The following CA10 variants were observed in gnomAD, a reference collection of about 807,000 sequenced individuals.
CA10 encodes the protein carbonic anhydrase 10 (inactive).
Under a neutral mutation model 44.2 loss-of-function variants are expected in CA10, and 14 were observed. The ratio of observed to expected loss-of-function variants is 0.32; its 90% CI spans 0.21 to 0.50. The LOEUF (loss-of-function observed/expected upper bound fraction) is 0.50. Ranked by LOEUF, CA10 falls within the 20% of genes least tolerant of loss-of-function variation. The probability of loss-of-function intolerance (pLI) is 0.99; values close to 1 mark genes in which losing one functional copy is unlikely to be tolerated. For missense variants in CA10, 350 were observed against 409.7 expected, an observed-to-expected ratio of 0.85 and a Z score of 1.26; for synonymous variants, 159 against 141.6, an observed-to-expected ratio of 1.12 and a Z score of -0.87.
intron 4 of CA10, among the ~76,000 whole-genome samples, chr17:51,654,898 AC>A (rs762206746): frequency 5.3e-5 from 8 of 151,216 alleles, no homozygotes; most frequent in African/African-American, 1.7e-4. Context: ...GAAGTAAAAA[AC>A]GTGATGCCCC....
At chr17:52,115,550 A>G (rs1988875143) in intron 1 of CA10, among the ~76,000 whole-genome samples, 1 of 152,152 alleles carries the variant, frequency 6.6e-6, no homozygotes, top group African/African-American at 2.4e-5. Context: ...CCTTCTTTTT[A>G]TTAGGACTGT....
chr17:51,671,560 A>T (rs1914424585), intron 4 of CA10, among the ~76,000 whole-genome samples: 1 of 152,078 alleles, frequency 6.6e-6, no homozygotes, highest in African/African-American at 2.4e-5. Flanking sequence ...GCCCGCCACC[A>T]CGCCTGGCTA....
intron 1 of CA10, among the ~76,000 whole-genome samples, chr17:52,127,687 G>A (rs116941575): frequency 0.019 from 2,825 of 152,232 alleles, 37 homozygotes; most frequent in Non-Finnish European, 0.03. Context: ...AGAGGTGAAA[G>A]GATCTCAGCT....
At chr17:51,767,959 G>A (rs554609026) in intron 3 of CA10, among the ~76,000 whole-genome samples, 10 of 152,104 alleles carry the variant, frequency 6.6e-5, no homozygotes, top group South Asian at 2.1e-4. Flanking sequence ...GTTGGGGAGC[G>A]CTGAACTAAA....
chr17:51,964,374 A>G (rs1984002358), intron 2 of CA10, among the ~76,000 whole-genome samples: 1 of 151,968 alleles, frequency 6.6e-6, no homozygotes, highest in African/African-American at 2.4e-5. Flanking sequence ...AAACTAAAAG[A>G]AATTCTGAAC....
intron 2 of CA10, among the ~76,000 whole-genome samples, chr17:52,003,354 C>T (rs944982612): frequency 6.6e-6 from 1 of 151,974 alleles, no homozygotes; most frequent in Middle Eastern, 3.4e-3. Flanking sequence ...TCCCATAATA[C>T]CTTATCATCT....
chr17:51,772,259 G>A (rs1338502455), intron 3 of CA10, among the ~76,000 whole-genome samples: 1 of 152,144 alleles, frequency 6.6e-6, no homozygotes, highest in Non-Finnish European at 1.5e-5. Flanking sequence ...GGTACTCATA[G>A]TTACTATTAA....
At chr17:52,148,373 T>C (rs1989633344) in intron 1 of CA10, among the ~76,000 whole-genome samples, 1 of 152,208 alleles carries the variant, frequency 6.6e-6, no homozygotes, top group South Asian at 2.1e-4. Context: ...ATTGTCCTAG[T>C]TCAAGCCTTT....
At chr17:51,932,091 T>C (rs203089) in intron 2 of CA10, among the ~76,000 whole-genome samples, 148,077 of 152,098 alleles carry the variant, frequency 0.97, 72,203 homozygotes, top group East Asian at 1. Context: ...CATCACGCAC[T>C]GGGTTAGGCT....
chr17:51,672,490 G>T (rs1401224533), intron 4 of CA10, among the ~76,000 whole-genome samples: 1 of 152,198 alleles, frequency 6.6e-6, no homozygotes, highest in East Asian at 1.9e-4. Context: ...CCCCTGTGGG[G>T]TTAGGTAATA....
In CA10 at chr17:51,888,200, G is replaced by A. The variant is rs189688023; in HGVS notation, c.279+42790C>T. ...ATTTTTAAAAAAAAGGAGAAGAAAG[G>A]AAAGAAGGAAGGGAGAGAGGAAGTA... On this transcript the variant is annotated intron_variant, in intron 3 of 8. Coordinates refer to ENST00000451037, the MANE Select transcript of CA10 (RefSeq NM_020178.5). 2.0e-5 allele frequency among the ~76,000 whole-genome samples: 3 copies of A among 151,864 alleles called. No homozygotes were observed. In the East Asian group the frequency reaches 5.8e-4, roughly 29 times the overall value.
intron 2 of CA10, among the ~76,000 whole-genome samples, chr17:52,017,080 G>T (rs558569811): frequency 1.3e-5 from 2 of 152,030 alleles, no homozygotes; most frequent in Non-Finnish European, 2.9e-5. Flanking sequence ...TGTACATTCC[G>T]CAGAACTGTG....
chr17:51,895,958 A>G (rs1408754950), intron 3 of CA10, among the ~76,000 whole-genome samples: 1 of 152,144 alleles, frequency 6.6e-6, no homozygotes, highest in African/African-American at 2.4e-5. Context: ...ATGAGACAAT[A>G]TAATGAATAT....
chr17:51,819,390 G>T (rs1907680238), intron 3 of CA10, among the ~76,000 whole-genome samples: 1 of 152,144 alleles, frequency 6.6e-6, no homozygotes, highest in Non-Finnish European at 1.5e-5. Flanking sequence ...GAGATCCATG[G>T]CACCACAAAC....
chr17:51,691,073 T>C lies in CA10; in HGVS notation c.466-37337A>G, dbSNP rs192705886. Among the ~76,000 whole-genome samples, 350 of 152,348 alleles carry C rather than the reference T, an allele frequency of 2.3e-3. 2 individuals are homozygous for C. The highest frequency in any genetic ancestry group is 8.0e-3 in the African/African-American group (333 of 41,588). On this transcript the variant is annotated intron_variant, in intron 4 of 8. Transcript: ENST00000451037. ...ATATCATTTCAATATACTGATTCCA[T>C]ATCCTTTGGGCATATATACAGTACA...
intron 1 of CA10, among the ~76,000 whole-genome samples, chr17:52,115,103 A>C (rs977039659): frequency 6.6e-6 from 1 of 152,198 alleles, no homozygotes; most frequent in Non-Finnish European, 1.5e-5. Flanking sequence ...GAGTGGAGCC[A>C]CCAGGAATTC....
In CA10 at chr17:51,717,729, A is replaced by G. The variant is rs1289130336; in HGVS notation, c.465+29904T>C. Among the ~76,000 whole-genome samples, 32 of 29,242 alleles carry G rather than the reference A, an allele frequency of 1.1e-3. 9 individuals are homozygous for G. Among genetic ancestry groups the G allele is most frequent in the African/African-American group, 2.2e-3 (22 of 10,232 alleles). 19.2% of individuals were successfully genotyped at this position (29,242 alleles called of 152,430 possible). ...TATATACATATATACGTATATATAC[A>G]TATATACGTATATATACATGTATAT... is the stretch of plus-strand genomic sequence containing the variant. On this transcript the variant is annotated intron_variant, in intron 4 of 8. Transcript: ENST00000451037.
intron 4 of CA10, among the ~76,000 whole-genome samples, chr17:51,747,014 A>G (rs1437351305): frequency 6.6e-6 from 1 of 152,142 alleles, no homozygotes; most frequent in Non-Finnish European, 1.5e-5. Flanking sequence ...CCTACACCCT[A>G]CTTGTGAAGT....
At chr17:52,026,296 A>T (rs1382563078) in intron 2 of CA10, among the ~76,000 whole-genome samples, 1 of 152,168 alleles carries the variant, frequency 6.6e-6, no homozygotes, top group Non-Finnish European at 1.5e-5. Context: ...TAAGCCTCAA[A>T]GTCTCCTCTG....
Sources: allele counts gnomAD v4.1 joint callset (sites outside exome capture counted in the v4.1 genomes callset), GRCh38; gene constraint gnomAD v4.1.1; transcripts MANE v1.5; gene names NCBI Gene and HGNC (gene_info 2026-07-23, HGNC 2026-07-21).